Variants in CFAP44 observed in about 807,000 individuals in gnomAD.
The protein encoded by CFAP44 is cilia- and flagella-associated protein 44.
In CFAP44, 134 loss-of-function variants were observed where a neutral mutation model predicts 216.2. The observed-to-expected ratio is 0.62, with a 90% CI of 0.54 to 0.72. The LOEUF (loss-of-function observed/expected upper bound fraction) is 0.72. Ranked by LOEUF, CFAP44 falls within the 30% of genes least tolerant of loss-of-function variation. The pLI is 0.00. For synonymous variants in CFAP44, 700 were observed against 727.6 expected (o/e 0.96, Z 0.61); for missense variants, 2,035 against 2,182.1 (o/e 0.93, Z 1.34).
chr3:113,382,580 T>A (rs879905817), intron 15 of CFAP44, among the ~76,000 whole-genome samples: 1 of 152,094 alleles, frequency 6.6e-6, no homozygotes, highest in Non-Finnish European at 1.5e-5. Context: ...ATTTAAATAC[T>A]GAAGGAAACA....
chr3:113,400,475 C>T (rs923790136), intron 12 of CFAP44, 70 bp downstream of exon 12: 17 of 1,325,498 alleles, frequency 1.3e-5, no homozygotes, highest in Middle Eastern at 2.0e-4. Flanking sequence ...AAGTCAAACA[C>T]ATATAAAAAT....
At position 113,289,775 on chromosome 3, in the gene CFAP44, T is replaced by C. The variant is rs1373686102; in HGVS notation, c.*1782A>G. The C allele has an allele frequency of 6.6e-6, 1 of 152,324 alleles. No homozygotes were observed. The highest frequency in any genetic ancestry group is 1.5e-5 in the Non-Finnish European group (1 of 68,096). 9.4% of individuals were successfully genotyped at this position (152,324 alleles called of 1,614,324 possible). A position where few individuals can be genotyped will look rare whatever the true frequency, so the allele number is the denominator to read the frequency against. On this transcript the variant is annotated 3_prime_UTR_variant, in exon 35 of 35. Transcript: ENST00000393845. ...GGCTCTTGTATACATCATTCTCTCTTGCTGTCTCCCTCACTCTTGGATCAC... is the reference window on the plus strand; with the variant it reads ...GGCTCTTGTATACATCATTCTCTCTCGCTGTCTCCCTCACTCTTGGATCAC...
At chr3:113,378,364 A>G (rs544621853) in intron 17 of CFAP44, among the ~76,000 whole-genome samples, 5 of 152,292 alleles carry the variant, frequency 3.3e-5, no homozygotes, top group Non-Finnish European at 5.9e-5. Flanking sequence ...TAGAGGAACT[A>G]ATAAAGGATG....
At chr3:113,299,024 CTT>C (rs1236868841) in intron 32 of CFAP44, among the ~76,000 whole-genome samples, 1 of 152,100 alleles carries the variant, frequency 6.6e-6, no homozygotes, top group Non-Finnish European at 1.5e-5. Flanking sequence ...AAAAAATAAA[CTT>C]AGAAATTATT....
intron 4 of CFAP44, among the ~76,000 whole-genome samples, chr3:113,422,021 C>A (rs955485317): frequency 1.3e-5 from 2 of 151,954 alleles, no homozygotes; most frequent in Non-Finnish European, 2.9e-5. Context: ...GTATAAAAAT[C>A]TAAGTTATAT....
chr3:113,379,471 T>C lies in CFAP44; in HGVS notation c.2133A>G (p.Ala711=). The C allele has an allele frequency of 1.9e-6, 3 of 1,610,882 alleles. No individual in the cohort carries two copies. Among genetic ancestry groups the C allele is most frequent in the Non-Finnish European group, 2.5e-6 (3 of 1,177,152 alleles). The change falls in exon 17 of 35, where the codon GCA becomes GCG. Residue 711 remains alanine (A), a synonymous_variant. Coordinates refer to ENST00000393845, the MANE Select transcript of CFAP44 (RefSeq NM_001164496.2). ...TTTCTCCATCTTCTCCCATCTCTGC[T>C]GCTAGCTTGTTCCTCCTTTCTTCCC... ...KIREERRNKL[A]AEMGEDGEKE... is the part of the protein sequence containing the mutation.
chr3:113,346,099 A>G (rs1950378785), intron 22 of CFAP44, among the ~76,000 whole-genome samples: 1 of 152,210 alleles, frequency 6.6e-6, no homozygotes, highest in Non-Finnish European at 1.5e-5. Flanking sequence ...GATTGTAAAC[A>G]CACCAATCAG....
chr3:113,310,333 C>T lies in CFAP44; in HGVS notation c.4517-2065G>A, dbSNP rs72944506. On this transcript the variant is annotated intron_variant, in intron 28 of 34. Transcript: ENST00000393845. ...TATCCATAAGTACTTGCCATCCCCACGATGTTGATCACAGAAACTACATGT... is the reference window on the plus strand; with the variant it reads ...TATCCATAAGTACTTGCCATCCCCATGATGTTGATCACAGAAACTACATGT... Among the ~76,000 whole-genome samples, 13 of 152,306 alleles carry T rather than the reference C, an allele frequency of 8.5e-5. No homozygotes were observed. In the East Asian group the frequency reaches 9.6e-4, roughly 11 times the overall value.
chr3:113,328,695 T>TAAAAA lies in CFAP44; in HGVS notation c.4117-877_4117-876insTTTTT, dbSNP rs1950210721. ...AAACTACCAGAGAAATTTAGAGAGC[T>TAAAAA]TAAAAAAAAAAAAAAAAAAAAAAAA... is the stretch of plus-strand genomic sequence containing the variant. On this transcript the variant is annotated intron_variant, in intron 26 of 34. Transcript: ENST00000393845. Among the ~76,000 whole-genome samples, 216 of 72,332 alleles carry TAAAAA rather than the reference T, an allele frequency of 3.0e-3. 29 individuals carry two copies. Among genetic ancestry groups the TAAAAA allele is most frequent in the Middle Eastern group, 9.6e-3 (1 of 104 alleles). The allele number at this position is 72,332 out of a possible 152,430, so 47.5% of individuals were successfully genotyped here. A position where few individuals can be genotyped will look rare whatever the true frequency, so the allele number is the denominator to read the frequency against.
intron 16 of CFAP44, among the ~76,000 whole-genome samples, chr3:113,380,360 A>C (rs958352560): frequency 6.6e-6 from 1 of 152,050 alleles, no homozygotes; most frequent in Non-Finnish European, 1.5e-5. Flanking sequence ...AAACACTCAC[A>C]ACTCTGCATT....
rs892920487 is a variant in CFAP44 at position 113,322,164 on chromosome 3, C to A, written c.4516+4281G>T. Among the ~76,000 whole-genome samples, 7 of 152,276 alleles carry A rather than the reference C, an allele frequency of 4.6e-5. No homozygotes were observed. In the South Asian group the frequency reaches 1.5e-3, roughly 32 times the overall value. Reference sequence around the variant, plus strand: ...AAACAGCACAGTACTGGTACAAAAACAGACAGACACATAGACCGCAAGATC... The same window carrying A: ...AAACAGCACAGTACTGGTACAAAAAAAGACAGACACATAGACCGCAAGATC... On this transcript the variant is annotated intron_variant, in intron 28 of 34. Transcript: ENST00000393845.
At chr3:113,415,015 TATTA>T (rs1380453139) in intron 6 of CFAP44, among the ~76,000 whole-genome samples, 2 of 152,168 alleles carry the variant, frequency 1.3e-5, no homozygotes, top group African/African-American at 4.8e-5. Flanking sequence ...GTTGGTAGGC[TATTA>T]ATTACTGCCT....
At chr3:113,344,296 C>CA (rs1411774206) in intron 23 of CFAP44, among the ~76,000 whole-genome samples, 1 of 151,940 alleles carries the variant, frequency 6.6e-6, no homozygotes, top group Non-Finnish European at 1.5e-5. Flanking sequence ...GGAAAGTGGA[C>CA]ATGGAGCATT....
intron 22 of CFAP44, among the ~76,000 whole-genome samples, chr3:113,354,102 C>G (rs1034253138): frequency 6.7e-6 from 1 of 149,842 alleles, no homozygotes; most frequent in Non-Finnish European, 1.5e-5. Flanking sequence ...AAAAAAAAAT[C>G]TTTTTCCATG....
chr3:113,335,099 A>G (rs947643663), intron 24 of CFAP44, among the ~76,000 whole-genome samples: 2 of 152,210 alleles, frequency 1.3e-5, no homozygotes, highest in African/African-American at 4.8e-5. Context: ...AGGGAAGGGA[A>G]GAGAAGAGCT....
At chr3:113,292,543 G>A (rs1187987701) in intron 34 of CFAP44, among the ~76,000 whole-genome samples, 2 of 152,222 alleles carry the variant, frequency 1.3e-5, no homozygotes, top group Non-Finnish European at 2.9e-5. Context: ...CCCACTTTGT[G>A]CAAGGTGCTT....
At chr3:113,296,442 A>G (rs1352025133) in intron 33 of CFAP44, among the ~76,000 whole-genome samples, 1 of 152,190 alleles carries the variant, frequency 6.6e-6, no homozygotes, top group African/African-American at 2.4e-5. Context: ...GTAGGCCTCA[A>G]AATGAGATCT....
At chr3:113,376,806 G>A (rs1411215775) in intron 17 of CFAP44, among the ~76,000 whole-genome samples, 2 of 152,046 alleles carry the variant, frequency 1.3e-5, no homozygotes, top group African/African-American at 2.4e-5. Flanking sequence ...GAGAGGTTCA[G>A]GAAATAAAAT....
intron 9 of CFAP44, among the ~76,000 whole-genome samples, chr3:113,403,012 C>A (rs973343615): frequency 4.0e-5 from 6 of 151,880 alleles, no homozygotes; most frequent in Non-Finnish European, 7.4e-5. Flanking sequence ...GGTAAGAGGA[C>A]CCACTGTGGG....
Sources: allele counts gnomAD v4.1 joint callset (sites outside exome capture counted in the v4.1 genomes callset), GRCh38; gene constraint gnomAD v4.1.1; transcripts MANE v1.5; gene names NCBI Gene and HGNC (gene_info 2026-07-23, HGNC 2026-07-21).